The following EPC1 variants were observed in gnomAD, a reference collection of about 807,000 sequenced individuals.
EPC1 encodes enhancer of polycomb homolog 1.
Under a neutral mutation model 98.4 loss-of-function variants are expected in EPC1, and 12 were observed. The ratio of observed to expected loss-of-function variants is 0.12; its 90% CI spans 0.08 to 0.20. The LOEUF (loss-of-function observed/expected upper bound fraction) is 0.20, where lower values mean the gene tolerates loss of function less well. EPC1 is among the 10% of genes least tolerant of loss of function. The probability of loss-of-function intolerance (pLI) is 1.00; values close to 1 mark genes in which losing one functional copy is unlikely to be tolerated. For missense variants in EPC1, 729 were observed against 990.5 expected, an observed-to-expected ratio of 0.74 and a Z score of 3.54; for synonymous variants, 357 against 363.9, an observed-to-expected ratio of 0.98 and a Z score of 0.21.
intron 1 of EPC1, among the ~76,000 whole-genome samples, chr10:32,364,212 A>AG (rs1564568282): frequency 1.3e-5 from 2 of 150,016 alleles, no homozygotes; most frequent in Non-Finnish European, 3.0e-5. Context: ...CTTTTAGTAG[A>AG]TTTTGTATTT....
chr10:32,340,468 C>T (rs901625875), intron 1 of EPC1, among the ~76,000 whole-genome samples: 1 of 152,092 alleles, frequency 6.6e-6, no homozygotes, highest in Non-Finnish European at 1.5e-5. Flanking sequence ...ATTTAATACA[C>T]CTAATCAAGA....
chr10:32,272,370 G>T (rs1413611151), intron 11 of EPC1: 7 of 487,378 alleles, frequency 1.4e-5, no homozygotes, highest in Non-Finnish European at 2.5e-5. Flanking sequence ...AGTAATCTAA[G>T]TTATAAATTT....
intron 1 of EPC1, among the ~76,000 whole-genome samples, chr10:32,361,164 A>G (rs1260004533): frequency 2.0e-5 from 3 of 152,338 alleles, no homozygotes; most frequent in East Asian, 3.9e-4. Flanking sequence ...TAAGAGATAT[A>G]GTGTTGTGTA....
chr10:32,311,534 C>A (rs2505414), intron 1 of EPC1, among the ~76,000 whole-genome samples: 81,425 of 149,920 alleles, frequency 0.54, 25,726 homozygotes, highest in East Asian at 0.72. Context: ...AAAAAAAAAA[C>A]AACAAAAACC....
chr10:32,359,125 A>C (rs995124002), intron 1 of EPC1, among the ~76,000 whole-genome samples: 1 of 152,202 alleles, frequency 6.6e-6, no homozygotes, highest in African/African-American at 2.4e-5. Context: ...AGGAAATTTC[A>C]TTCTAGGCAA....
At chr10:32,330,817 T>C (rs1358677838) in intron 1 of EPC1, among the ~76,000 whole-genome samples, 1 of 152,046 alleles carries the variant, frequency 6.6e-6, no homozygotes, top group Non-Finnish European at 1.5e-5. Context: ...AACTGAGAAA[T>C]TTTATGGGAA....
At chr10:32,321,404 G>A (rs1371340418) in intron 1 of EPC1, among the ~76,000 whole-genome samples, 1 of 151,842 alleles carries the variant, frequency 6.6e-6, no homozygotes, top group Non-Finnish European at 1.5e-5. Flanking sequence ...GGAGTGCAGT[G>A]GCTATTAACA....
At position 32,293,193 on chromosome 10, in the gene EPC1, G is replaced by A; in HGVS notation, c.461C>T (p.Pro154Leu). The change falls in exon 4 of 14, where the codon CCA (proline) becomes CTA (leucine). Residue 154 changes from proline to leucine, a missense_variant and splice_region_variant. Physicochemically the swap from Pro to Leu is moderately conservative, Grantham distance 98 (BLOSUM62 -3). Around this residue, in one of 6 missense-constraint regions of EPC1, gnomAD observed 94 missense variants for 125.1 expected, o/e 0.75. Transcript: ENST00000319778. ...TAGTTTGGCTTCCTGCAGACTGACTGGCTAAATGTAAAACCATTATGTCAT... is the reference window on the plus strand; with the variant it reads ...TAGTTTGGCTTCCTGCAGACTGACTAGCTAAATGTAAAACCATTATGTCAT... ...DRLEKGSGQQ[P>L]VSLQEAKLLL... The A allele has an allele frequency of 6.2e-7, 1 of 1,606,222 alleles. No homozygotes were observed. The highest frequency in any genetic ancestry group is 8.5e-7 in the Non-Finnish European group (1 of 1,175,054).
intron 1 of EPC1, among the ~76,000 whole-genome samples, chr10:32,323,852 C>T (rs556970085): frequency 2.0e-5 from 3 of 152,292 alleles, no homozygotes; most frequent in African/African-American, 7.2e-5. Flanking sequence ...AATAAACATA[C>T]GTCCATAAAG....
intron 10 of EPC1, chr10:32,282,406 G>C (rs1317852896): frequency 1.3e-5 from 2 of 152,226 alleles, no homozygotes; most frequent in Non-Finnish European, 2.9e-5. Flanking sequence ...TGCAGTCCTA[G>C]CTACCCAGGA....
At chr10:32,306,853 T>G (rs1254355598) in intron 1 of EPC1, among the ~76,000 whole-genome samples, 1 of 68,464 alleles carries the variant, frequency 1.5e-5, no homozygotes, top group Admixed American at 2.3e-4. Context: ...CCTTATTAAA[T>G]TCAAACACAC....
chr10:32,329,766 T>C (rs928171537), intron 1 of EPC1, among the ~76,000 whole-genome samples: 5 of 152,204 alleles, frequency 3.3e-5, no homozygotes, highest in African/African-American at 7.2e-5. Context: ...CTAGAGGTAC[T>C]TGGAGCTTAA....
intron 10 of EPC1, among the ~76,000 whole-genome samples, chr10:32,275,262 A>C (rs1444699503): frequency 1.3e-5 from 2 of 152,256 alleles, no homozygotes; most frequent in African/African-American, 2.4e-5. Context: ...TAACATCTTA[A>C]TCCTGAGTCT....
chr10:32,367,059 A>T (rs1478526370), intron 1 of EPC1, among the ~76,000 whole-genome samples: 1 of 152,202 alleles, frequency 6.6e-6, no homozygotes, highest in Non-Finnish European at 1.5e-5. Context: ...GCAGTGGCAC[A>T]ATCTTGGCTC....
chr10:32,278,370 T>G (rs1292765019), intron 10 of EPC1, among the ~76,000 whole-genome samples: 2 of 67,986 alleles, frequency 2.9e-5, no homozygotes, highest in Non-Finnish European at 5.3e-5. Context: ...GGTTTTTTTT[T>G]GTTTTTTTTT....
intron 1 of EPC1, among the ~76,000 whole-genome samples, chr10:32,365,817 CACAAAAAAAAAAAA>C (rs1564568840): frequency 2.3e-5 from 1 of 43,824 alleles, no homozygotes; most frequent in Non-Finnish European, 3.8e-5. Flanking sequence ...AGCTCCGTCT[CACAAAAAAAAAAAA>C]AAAAAAAAAA....
intron 6 of EPC1, among the ~76,000 whole-genome samples, chr10:32,290,123 C>CA (rs1282604787): frequency 6.6e-6 from 1 of 151,972 alleles, no homozygotes; most frequent in Non-Finnish European, 1.5e-5. Context: ...ATTTCTAAAT[C>CA]ATTATATTAC....
intron 1 of EPC1, among the ~76,000 whole-genome samples, chr10:32,311,362 C>T (rs7093196): frequency 0.98 from 148,438 of 151,734 alleles, 72,680 homozygotes; most frequent in East Asian, 1. Context: ...CAAAATATTG[C>T]AGAATCTGGG....
chr10:32,304,333 A>G (rs1835748480), intron 2 of EPC1, among the ~76,000 whole-genome samples: 4 of 152,218 alleles, frequency 2.6e-5, no homozygotes, highest in Admixed American at 2.6e-4. Context: ...TTATAAGATA[A>G]TATAGCTTGT....
Sources: gnomAD v4.1 joint callset for allele counts (sites outside exome capture counted in the v4.1 genomes callset) on GRCh38, gnomAD v4.1.1 for gene constraint, gnomAD v4.1.1 regional missense constraint, MANE v1.5 for transcripts, NCBI Gene and HGNC (gene_info 2026-07-23, HGNC 2026-07-21) for gene names.